Variants in B3GALT1 observed in about 807,000 individuals in gnomAD.
B3GALT1 encodes UDP-Gal:betaGlcNAc beta 1,3-galactosyltransferase, polypeptide 1.
Under a neutral mutation model 23.2 loss-of-function variants are expected in B3GALT1, and 10 were observed. The ratio of observed to expected loss-of-function variants is 0.43; its 90% CI spans 0.27 to 0.73. The LOEUF (loss-of-function observed/expected upper bound fraction) is 0.73, where lower values mean the gene tolerates loss of function less well. Ranked by LOEUF, B3GALT1 falls within the 30% of genes least tolerant of loss-of-function variation. The pLI is 0.21. For synonymous variants in B3GALT1, 156 were observed against 141.5 expected, an observed-to-expected ratio of 1.10 and a Z score of -0.73; for missense variants, 299 against 405.4, an observed-to-expected ratio of 0.74 and a Z score of 2.25.
At chr2:167,460,309 T>A (rs1415664910) in intron 1 of B3GALT1, among the ~76,000 whole-genome samples, 1 of 152,210 alleles carries the variant, frequency 6.6e-6, no homozygotes, top group Non-Finnish European at 1.5e-5. Context: ...CATTTTTCTA[T>A]CTGTTTTTCA....
At position 167,873,153 on chromosome 2, in the gene B3GALT1, A is replaced by G. The variant is rs1690384714; in HGVS notation, c.*3133A>G. On this transcript the variant is annotated 3_prime_UTR_variant, in exon 5 of 5. Transcript: ENST00000392690. ...CAGTATTCTACCAAGAGTCTCTCAGACAATTTTTACAAAAACTCTTTTTTT... is the reference window on the plus strand; with the variant it reads ...CAGTATTCTACCAAGAGTCTCTCAGGCAATTTTTACAAAAACTCTTTTTTT... The G allele has an allele frequency of 6.8e-6, 1 of 146,024 alleles. No individual in the cohort carries two copies. Among genetic ancestry groups the G allele is most frequent in the Non-Finnish European group, 1.5e-5 (1 of 67,930 alleles). The allele number at this position is 146,024 out of a possible 1,614,324, so 9.0% of individuals were successfully genotyped here. A position where few individuals can be genotyped will look rare whatever the true frequency, so the allele number is the denominator to read the frequency against.
intron 1 of B3GALT1, among the ~76,000 whole-genome samples, chr2:167,409,240 T>G (rs1236861653): frequency 6.6e-6 from 1 of 152,210 alleles, no homozygotes; most frequent in Non-Finnish European, 1.5e-5. Context: ...GGGGTTGCTC[T>G]TCTCAAGTAC....
intron 2 of B3GALT1, among the ~76,000 whole-genome samples, chr2:167,581,123 T>A (rs1156344086): frequency 1.3e-5 from 2 of 152,212 alleles, no homozygotes; most frequent in Non-Finnish European, 2.9e-5. Flanking sequence ...TGATTGATAT[T>A]AAAGGTTTTC....
intron 2 of B3GALT1, among the ~76,000 whole-genome samples, chr2:167,568,654 A>G (rs1163597715): frequency 6.6e-6 from 1 of 152,070 alleles, no homozygotes; most frequent in African/African-American, 2.4e-5. Context: ...ATCTTCTGCA[A>G]ATATTTTCTC....
intron 4 of B3GALT1, among the ~76,000 whole-genome samples, chr2:167,819,548 T>C (rs1371818489): frequency 6.6e-6 from 1 of 152,086 alleles, no homozygotes; most frequent in Admixed American, 6.6e-5. Context: ...TGGCAAGAGG[T>C]CACCTGGATG....
At chr2:167,431,295 AT>A (rs1196821832) in intron 1 of B3GALT1, among the ~76,000 whole-genome samples, 1 of 152,244 alleles carries the variant, frequency 6.6e-6, no homozygotes, top group Non-Finnish European at 1.5e-5. Context: ...TGCTCTAATA[AT>A]TTTAGCCTGG....
chr2:167,405,057 A>G (rs1279653327), intron 1 of B3GALT1, among the ~76,000 whole-genome samples: 2 of 152,198 alleles, frequency 1.3e-5, no homozygotes, highest in African/African-American at 2.4e-5. Context: ...CGCTTCTCAG[A>G]CAGGAAGGAT....
At chr2:167,667,797 A>G (rs1028012650) in intron 3 of B3GALT1, among the ~76,000 whole-genome samples, 6 of 152,222 alleles carry the variant, frequency 3.9e-5, no homozygotes, top group Non-Finnish European at 7.3e-5. Context: ...TTTCAGCTCC[A>G]TCAGATCCTT....
chr2:167,673,367 A>T (rs1686366310), intron 3 of B3GALT1, among the ~76,000 whole-genome samples: 1 of 152,190 alleles, frequency 6.6e-6, no homozygotes, highest in Non-Finnish European at 1.5e-5. Flanking sequence ...ATAGAAATGC[A>T]TAATTTCTAA....
At chr2:167,634,406 C>T (rs1461805395) in intron 2 of B3GALT1, among the ~76,000 whole-genome samples, 1 of 151,934 alleles carries the variant, frequency 6.6e-6, no homozygotes, top group African/African-American at 2.4e-5. Context: ...TCAATGAATC[C>T]AGGAGCTGGT....
At chr2:167,464,394 G>A (rs10183035) in intron 1 of B3GALT1, among the ~76,000 whole-genome samples, 17,036 of 152,088 alleles carry the variant, frequency 0.11, 1,094 homozygotes, top group African/African-American at 0.19. Flanking sequence ...CCTGTAAGAA[G>A]TTAAAATTGT....
chr2:167,500,724 G>A (rs552228963), intron 2 of B3GALT1, among the ~76,000 whole-genome samples: 3 of 152,152 alleles, frequency 2.0e-5, no homozygotes, highest in East Asian at 1.9e-4. Flanking sequence ...AGTCTTTAAC[G>A]ATGAATATTA....
At chr2:167,790,401 C>A (rs145884416) in intron 3 of B3GALT1, among the ~76,000 whole-genome samples, 1 of 152,276 alleles carries the variant, frequency 6.6e-6, no homozygotes, top group East Asian at 1.9e-4. Context: ...CTGGTTTCAT[C>A]TGAGATGTCT....
rs539499632 is a variant in B3GALT1 at position 167,474,754 on chromosome 2, A to C, written c.-510-15423A>C. On this transcript the variant is annotated intron_variant, in intron 1 of 4. Coordinates refer to ENST00000392690, the MANE Select transcript of B3GALT1 (RefSeq NM_020981.4). ...CCTTGAAGCCACATTCTAGTTTCTT[A>C]TTATTATCATTTGGTAGACTCCTAA... Among the ~76,000 whole-genome samples, 8 of 152,260 alleles carry C rather than the reference A, an allele frequency of 5.3e-5. No individual in the cohort carries two copies. The South Asian group carries it at 1.2e-3, about 24-fold the overall frequency.
intron 1 of B3GALT1, among the ~76,000 whole-genome samples, chr2:167,407,643 A>G (rs1184279994): frequency 6.6e-6 from 1 of 152,088 alleles, no homozygotes; most frequent in Non-Finnish European, 1.5e-5. Context: ...TCAAAAATGA[A>G]AAAGGAGACG....
chr2:167,416,728 C>T (rs1698476933), intron 1 of B3GALT1, among the ~76,000 whole-genome samples: 1 of 152,162 alleles, frequency 6.6e-6, no homozygotes, highest in Admixed American at 6.5e-5. Flanking sequence ...GCAGCAAAGC[C>T]ATAGAGATGG....
chr2:167,422,407 A>G (rs1698561444), intron 1 of B3GALT1, among the ~76,000 whole-genome samples: 3 of 152,154 alleles, frequency 2.0e-5, no homozygotes, highest in African/African-American at 7.2e-5. Context: ...TAAACCACCC[A>G]GTCTATGGTA....
chr2:167,583,806 T>C (rs1684533493), intron 2 of B3GALT1, among the ~76,000 whole-genome samples: 1 of 152,202 alleles, frequency 6.6e-6, no homozygotes, highest in African/African-American at 2.4e-5. Context: ...CCCATGAATA[T>C]TTTCTGACTA....
chr2:167,663,180 A>G (rs996121115), intron 3 of B3GALT1, among the ~76,000 whole-genome samples: 27 of 139,732 alleles, frequency 1.9e-4, no homozygotes, highest in African/African-American at 4.3e-4. Flanking sequence ...TCATTGTTCA[A>G]TTCCCACCTA....
Sources: gnomAD v4.1 joint callset for allele counts (sites outside exome capture counted in the v4.1 genomes callset) on GRCh38, gnomAD v4.1.1 for gene constraint, MANE v1.5 for transcripts, NCBI Gene and HGNC (gene_info 2026-07-23, HGNC 2026-07-21) for gene names.